The following MBNL2 variants were observed in gnomAD, a reference collection of about 807,000 sequenced individuals.
The protein encoded by MBNL2 is muscleblind like splicing regulator 2.
In MBNL2, 17 loss-of-function variants were observed where a neutral mutation model predicts 41.9. The observed-to-expected ratio is 0.41, with a 90% CI of 0.28 to 0.61. MBNL2 has a LOEUF of 0.61. Among genes scored for constraint, MBNL2 ranks in the 20% least tolerant of loss-of-function variants. MBNL2 has a pLI of 0.35. For synonymous variants in MBNL2, 195 were observed against 182.9 expected, an observed-to-expected ratio of 1.07 and a Z score of -0.53; for missense variants, 336 against 505.6, an observed-to-expected ratio of 0.66 and a Z score of 3.22.
intron 8 of MBNL2, among the ~76,000 whole-genome samples, chr13:97,377,343 A>G (rs1309320960): frequency 1.3e-5 from 2 of 152,246 alleles, no homozygotes; most frequent in Non-Finnish European, 1.5e-5. Flanking sequence ...TCAAGTTTAC[A>G]TAAGGGATTA....
intron 8 of MBNL2, among the ~76,000 whole-genome samples, chr13:97,367,624 A>G (rs959239208): frequency 1.3e-5 from 2 of 152,126 alleles, no homozygotes; most frequent in Non-Finnish European, 2.9e-5. Context: ...TTTCATCCCT[A>G]CAAAGAGAGG....
the MBNL2 span, among the ~76,000 whole-genome samples, chr13:97,156,650 G>A: frequency 7.0e-6 from 1 of 143,746 alleles, no homozygotes; most frequent in South Asian, 2.4e-4. Context: ...TATTAAATAG[G>A]GAATCCTTTC....
chr13:97,211,226 G>T, the MBNL2 span, among the ~76,000 whole-genome samples: 4 of 152,172 alleles, frequency 2.6e-5, no homozygotes, highest in African/African-American at 9.7e-5. Flanking sequence ...TAGGATCCAT[G>T]ATTGTAAGCT....
the MBNL2 span, among the ~76,000 whole-genome samples, chr13:97,202,923 T>G: frequency 2.0e-5 from 3 of 152,160 alleles, no homozygotes; most frequent in Non-Finnish European, 2.9e-5. Flanking sequence ...CCAGTAGATT[T>G]TGTTTATTGC....
intron 8 of MBNL2, among the ~76,000 whole-genome samples, chr13:97,386,707 A>G (rs1594301295): frequency 1.3e-5 from 2 of 152,360 alleles, no homozygotes; most frequent in African/African-American, 4.8e-5. Flanking sequence ...TTTGTCTTCA[A>G]CAAGTAAATA....
chr13:97,158,074 C>A, the MBNL2 span, among the ~76,000 whole-genome samples: 1 of 151,572 alleles, frequency 6.6e-6, no homozygotes, highest in African/African-American at 2.4e-5. Context: ...AATTTCAGAT[C>A]CTGTTATTGG....
chr13:97,332,587 A>G (rs562130596), intron 2 of MBNL2, among the ~76,000 whole-genome samples: 3 of 152,324 alleles, frequency 2.0e-5, no homozygotes, highest in African/African-American at 7.2e-5. Context: ...TTTTAAAAAG[A>G]TTCAGTTTGC....
chr13:97,248,266 C>T (rs952236090), intron 1 of MBNL2, among the ~76,000 whole-genome samples: 4 of 152,296 alleles, frequency 2.6e-5, no homozygotes, highest in East Asian at 1.9e-4. Context: ...GGACTACAGG[C>T]GTGTGCCACC....
chr13:97,331,926 A>T (rs2060471552), intron 2 of MBNL2, among the ~76,000 whole-genome samples: 1 of 152,258 alleles, frequency 6.6e-6, no homozygotes, highest in Non-Finnish European at 1.5e-5. Context: ...ATCAAGAGAT[A>T]AGAGCATTTA....
At chr13:97,314,869 A>G (rs1472551578) in intron 2 of MBNL2, among the ~76,000 whole-genome samples, 1 of 152,174 alleles carries the variant, frequency 6.6e-6, no homozygotes, top group Admixed American at 6.5e-5. Flanking sequence ...TAAACTATTC[A>G]ACTTAGGTCA....
intron 4 of MBNL2, among the ~76,000 whole-genome samples, chr13:97,344,175 T>G (rs1364532398): frequency 2.6e-5 from 4 of 152,212 alleles, no homozygotes; most frequent in Non-Finnish European, 4.4e-5. Context: ...AGAAAACAAG[T>G]TCCTATATAT....
intron 2 of MBNL2, among the ~76,000 whole-genome samples, chr13:97,291,198 T>C (rs551539955): frequency 1.3e-5 from 2 of 151,948 alleles, no homozygotes; most frequent in Admixed American, 1.3e-4. Context: ...GGGGCAGAGG[T>C]AGGTAGATGT....
intron 2 of MBNL2, among the ~76,000 whole-genome samples, chr13:97,329,048 G>C (rs1280548958): frequency 6.6e-6 from 1 of 152,098 alleles, no homozygotes; most frequent in South Asian, 2.1e-4. Context: ...GCACCAATCT[G>C]TTGTTCTGTC....
At chr13:97,162,523 C>T in the MBNL2 span, among the ~76,000 whole-genome samples, 1 of 152,290 alleles carries the variant, frequency 6.6e-6, no homozygotes, top group East Asian at 1.9e-4. Flanking sequence ...GTTGCTTTGT[C>T]TTATGGCTGC....
intron 2 of MBNL2, among the ~76,000 whole-genome samples, chr13:97,283,041 G>T (rs973034462): frequency 2.0e-5 from 3 of 152,096 alleles, no homozygotes; most frequent in African/African-American, 7.2e-5. Context: ...TAACATCTCC[G>T]TTTCATTTTG....
At chr13:97,335,055 G>A (rs574031147) in intron 3 of MBNL2, among the ~76,000 whole-genome samples, 3 of 152,316 alleles carry the variant, frequency 2.0e-5, no homozygotes, top group African/African-American at 7.2e-5. Context: ...CCTTTCAGAG[G>A]CCTGCAAAAG....
intron 5 of MBNL2, among the ~76,000 whole-genome samples, chr13:97,356,422 A>T (rs575396074): frequency 1.3e-5 from 2 of 151,440 alleles, no homozygotes; most frequent in East Asian, 3.9e-4. Context: ...CAAATTTTGC[A>T]TTTTTTTTTC....
rs144798458 is a variant in MBNL2 at position 97,351,277 on chromosome 13, G to A, written c.804+4210G>A. Among the ~76,000 whole-genome samples the A allele has an allele frequency of 3.9e-3, 597 of 152,294 alleles. 8 individuals carry two copies. Among genetic ancestry groups the A allele is most frequent in the African/African-American group, 0.014 (577 of 41,550 alleles). Reference sequence around the variant, plus strand: ...CATATACTGTCATCCAGGCTTTGTTGTTTCATTTCTAGAGCATAGGCAGAG... The same window carrying A: ...CATATACTGTCATCCAGGCTTTGTTATTTCATTTCTAGAGCATAGGCAGAG... On this transcript the variant is annotated intron_variant, in intron 5 of 8. Transcript: ENST00000679496.
chr13:97,231,401 A>G (rs2042362243), intron 1 of MBNL2, among the ~76,000 whole-genome samples: 1 of 152,180 alleles, frequency 6.6e-6, no homozygotes, highest in Non-Finnish European at 1.5e-5. Context: ...GAGGCTCCAG[A>G]ATACAATAGC....
Sources: allele counts gnomAD v4.1 joint callset (sites outside exome capture counted in the v4.1 genomes callset), GRCh38; gene constraint gnomAD v4.1.1; transcripts MANE v1.5; gene names NCBI Gene and HGNC (gene_info 2026-07-23, HGNC 2026-07-21).